INA: variants seen among roughly 807,000 people sequenced by gnomAD.
INA encodes the protein alpha-internexin.
A neutral mutation model predicts 40.1 loss-of-function variants in INA; 35 were observed. The ratio of observed to expected loss-of-function variants is 0.87; its 90% CI spans 0.67 to 1.16. The LOEUF (loss-of-function observed/expected upper bound fraction) is 1.16. Among genes scored for constraint, INA ranks in the 50% most tolerant of loss-of-function variants. The pLI is 0.00. For missense variants in INA, 594 were observed against 686.7 expected, an observed-to-expected ratio of 0.87 and a Z score of 1.51; for synonymous variants, 290 against 316.9, an observed-to-expected ratio of 0.92 and a Z score of 0.90.
chr10:103,286,890 C>A (rs2093087530), intron 1 of INA, 145 bp from the exon 2 acceptor site: 2 of 746,244 alleles, frequency 2.7e-6, no homozygotes, highest in Non-Finnish European at 4.2e-6. Flanking sequence ...TGGATCTGGA[C>A]TCAGGGACAG....
In INA at chr10:103,277,330, C is replaced by T. The variant is rs775444664; in HGVS notation, c.119C>T (p.Ser40Leu). The T allele has an allele frequency of 2.5e-6, 4 of 1,583,626 alleles. No homozygotes were observed. Among genetic ancestry groups the T allele is most frequent in the East Asian group, 2.4e-5 (1 of 41,620 alleles). The change falls in exon 1 of 3, where the codon TCG becomes TTG. Residue 40 changes from serine to leucine, a missense_variant. This residue lies in a region of INA where 215 missense variants were observed against 190.6 expected (regional missense o/e 1.13). Transcript: ENST00000369849. The surrounding 1 kb of genome is among the most constrained non-coding windows in gnomAD (Gnocchi z 5.6). The stretch of plus-strand genomic sequence containing the variant: ...GCCGGCGGCGCGGGCGGCTTCCGCT[C>T]GCAGTCGCTGTCCCGCAGCAATGTG... ...SGAGGAGGFRSQSLSRSNVAS... is the reference protein window; with the variant it reads ...SGAGGAGGFRLQSLSRSNVAS...
chr10:103,288,300 T>G, intron 2 of INA, 60 bp from the exon 3 acceptor site: 1 of 1,418,374 alleles, frequency 7.1e-7, no homozygotes, highest in African/African-American at 1.4e-5. Flanking sequence ...ATTGGAGGGT[T>G]GAGTTCTGGG....
At position 103,290,313 on chromosome 10, in the gene INA, C is replaced by T. The variant is rs1592046238; in HGVS notation, c.*1644C>T. The T allele has an allele frequency of 6.6e-6, 1 of 152,238 alleles. No individual in the cohort carries two copies. The highest frequency in any genetic ancestry group is 2.1e-4 in the South Asian group (1 of 4,834). 9.4% of individuals were successfully genotyped at this position (152,238 alleles called of 1,614,324 possible). On this transcript the variant is annotated 3_prime_UTR_variant, in exon 3 of 3. Coordinates refer to ENST00000369849, the MANE Select transcript of INA (RefSeq NM_032727.4). ...CACACTTACTGTAAGACATTAGTAA[C>T]ATAATAAATTAAAAGTCACACGAAT...
intron 1 of INA, among the ~76,000 whole-genome samples, chr10:103,284,196 C>T (rs917518393): frequency 6.6e-6 from 1 of 151,934 alleles, no homozygotes; most frequent in African/African-American, 2.4e-5. Context: ...CAACCTCCGC[C>T]TACCGGGCTC....
At chr10:103,284,356 G>T (rs149663686) in intron 1 of INA, among the ~76,000 whole-genome samples, 1 of 152,286 alleles carries the variant, frequency 6.6e-6, no homozygotes, top group African/African-American at 2.4e-5. Flanking sequence ...TAAATATCCC[G>T]CATTTCACAA....
At chr10:103,280,998 T>A (rs1036950059) in intron 1 of INA, 2 of 874,792 alleles carry the variant, frequency 2.3e-6, no homozygotes, top group African/African-American at 1.8e-5. Flanking sequence ...TGCTGAATGA[T>A]CAAGATCACC....
At chr10:103,283,692 G>A (rs17115586) in intron 1 of INA, among the ~76,000 whole-genome samples, 1,879 of 151,062 alleles carry the variant, frequency 0.012, 32 homozygotes, top group African/African-American at 0.042. Context: ...AGTTTCAAGG[G>A]CCTGTCAACA....
intron 1 of INA, among the ~76,000 whole-genome samples, chr10:103,286,802 C>T (rs1444736622): frequency 1.3e-5 from 2 of 152,104 alleles, no homozygotes; most frequent in African/African-American, 4.8e-5. Flanking sequence ...TCCCAGTCCT[C>T]ACCATGAGTC....
chr10:103,285,134 C>T (rs1027806361), intron 1 of INA, among the ~76,000 whole-genome samples: 1 of 151,972 alleles, frequency 6.6e-6, no homozygotes, highest in Non-Finnish European at 1.5e-5. Flanking sequence ...TAGGCATGCA[C>T]CACCACGCCC....
In INA at chr10:103,277,592, C is replaced by A; in HGVS notation, c.381C>A (p.Ala127=). ...ACCGCGCGTTGGAGGCCGAGCTGGC[C>A]GCGCTGCGACAGCGCCACGCTGAGC... ...TQNRALEAEL[A]ALRQRHAEPS... is the part of the protein sequence containing the mutation. The change falls in exon 1 of 3, where the codon GCC becomes GCA. Residue 127 remains alanine, a synonymous_variant. Transcript: ENST00000369849. The surrounding 1 kb of genome is among the most constrained non-coding windows in gnomAD (Gnocchi z 5.6). The A allele has an allele frequency of 1.3e-6, 2 of 1,556,326 alleles. No homozygotes were observed. The highest frequency in any genetic ancestry group is 1.7e-6 in the Non-Finnish European group (2 of 1,158,624).
intron 1 of INA, among the ~76,000 whole-genome samples, chr10:103,281,800 T>C (rs1198399664): frequency 6.6e-6 from 1 of 152,234 alleles, no homozygotes; most frequent in Non-Finnish European, 1.5e-5. Flanking sequence ...CATTCATTTC[T>C]CTTACTCCAC....
intron 1 of INA, chr10:103,280,109 G>A: frequency 2.5e-6 from 3 of 1,200,418 alleles, no homozygotes; most frequent in Non-Finnish European, 3.2e-6. Context: ...TGGCTTGTTT[G>A]CTGTAAAAGG....
chr10:103,285,258 A>G (rs964482627), intron 1 of INA, among the ~76,000 whole-genome samples: 11 of 151,702 alleles, frequency 7.3e-5, no homozygotes, highest in African/African-American at 2.7e-4. Flanking sequence ...TGCTGGGATT[A>G]CAGGCATGAG....
intron 1 of INA, among the ~76,000 whole-genome samples, chr10:103,285,292 C>T (rs1376946866): frequency 6.7e-6 from 1 of 148,578 alleles, no homozygotes; most frequent in Non-Finnish European, 1.5e-5. Context: ...CAGGAGAGGA[C>T]ATTTGAACTG....
In INA at chr10:103,277,375, C is replaced by G; in HGVS notation, c.164C>G (p.Ser55Cys). 8 of 1,563,012 alleles carry G rather than the reference C, an allele frequency of 5.1e-6. No homozygotes were observed. Among genetic ancestry groups the G allele is most frequent in the Non-Finnish European group, 6.9e-6 (8 of 1,161,670 alleles). Reference protein sequence around the residue: ...RSNVASSAACSSASSLGLGLA... With the variant: ...RSNVASSAACCSASSLGLGLA... Reference sequence around the variant, plus strand: ...AATGTGGCCTCCTCGGCCGCCTGCTCCTCGGCCTCGTCGCTCGGCCTCGGC... The same window carrying G: ...AATGTGGCCTCCTCGGCCGCCTGCTGCTCGGCCTCGTCGCTCGGCCTCGGC... Residue 55 changes from serine to cysteine, a missense_variant, in exon 1 of 3, where the codon TCC (serine) becomes TGC (cysteine). By Grantham distance (112) the Ser-to-Cys change is moderately radical. Around this residue, in one of 2 missense-constraint regions of INA, gnomAD observed 215 missense variants for 190.6 expected, o/e 1.13. Coordinates refer to ENST00000369849, the MANE Select transcript of INA (RefSeq NM_032727.4). This position sits in a 1 kb window ranked among gnomAD's most constrained non-coding sequence, Gnocchi z 5.6.
At chr10:103,287,750 A>AC (rs1199205689) in intron 2 of INA, among the ~76,000 whole-genome samples, 1 of 151,776 alleles carries the variant, frequency 6.6e-6, no homozygotes, top group African/African-American at 2.4e-5. Context: ...AAAAAAAAAA[A>AC]AAGGATAATT....
At chr10:103,285,587 T>TGCCTG (rs2093083825) in intron 1 of INA, among the ~76,000 whole-genome samples, 1 of 147,496 alleles carries the variant, frequency 6.8e-6, no homozygotes, top group Non-Finnish European at 1.5e-5. Context: ...TGAGCCATCA[T>TGCCTG]GCCTGGCAGG....
At position 103,289,776 on chromosome 10, in the gene INA, T is replaced by G. The variant is rs2093095666; in HGVS notation, c.*1107T>G. 6.6e-6 allele frequency: 1 copy of G among 152,120 alleles called. No individual in the cohort carries two copies. Among genetic ancestry groups the G allele is most frequent in the Admixed American group, 6.6e-5 (1 of 15,256 alleles). The allele number at this position is 152,120 out of a possible 1,614,324, so 9.4% of individuals were successfully genotyped here. ...TCCTATGCCTTTTACGAGTGCTAAG[T>G]GTAGGATATTTTGTCACCAGAACAC... On this transcript the variant is annotated 3_prime_UTR_variant, in exon 3 of 3. Transcript: ENST00000369849.
Position 103,278,313 on chromosome 10 carries a change from G to T in INA, c.1065+37G>T. The T allele has an allele frequency of 7.0e-7, 1 of 1,426,202 alleles. No individual in the cohort carries two copies. The allele number at this position is 1,426,202 out of a possible 1,614,324, so 88.3% of individuals were successfully genotyped here. On this transcript the variant is annotated intron_variant, in intron 1 of 2. Coordinates refer to ENST00000369849, the MANE Select transcript of INA (RefSeq NM_032727.4). This position sits in a 1 kb window ranked among gnomAD's most constrained non-coding sequence, Gnocchi z 4.9. ...GGCTGGGCGTGGGGAGGGGTGCCCT[G>T]CCCTCTTCCGCGCGTACCCTCTTCC...
Sources: gnomAD v4.1 joint callset for allele counts (sites outside exome capture counted in the v4.1 genomes callset) on GRCh38, gnomAD v4.1.1 for gene constraint, gnomAD v4.1.1 regional missense constraint, Gnocchi (gnomAD v3.1) non-coding constraint, MANE v1.5 for transcripts, NCBI Gene and HGNC (gene_info 2026-07-23, HGNC 2026-07-21) for gene names.